PLCL1: variants seen among roughly 807,000 people sequenced by gnomAD.
The protein encoded by PLCL1 is phospholipase C like 1 (inactive), also known as inactive phospholipase C-like protein 1.
In PLCL1, 41 loss-of-function variants were observed where a neutral mutation model predicts 84.4. The observed-to-expected ratio is 0.49, with a 90% CI of 0.38 to 0.63. The LOEUF is 0.63. Among genes scored for constraint, PLCL1 ranks in the 30% least tolerant of loss-of-function variants. The pLI, the probability that PLCL1 is intolerant of heterozygous loss-of-function variation, is 0.00. For missense variants in PLCL1, 1,206 were observed against 1,367.8 expected (o/e 0.88, Z 1.87); for synonymous variants, 490 against 488.3 (o/e 1.00, Z -0.05).
intron 4 of PLCL1, among the ~76,000 whole-genome samples, chr2:198,102,692 CT>C (rs1359006744): frequency 1.3e-5 from 2 of 152,052 alleles, no homozygotes; most frequent in Non-Finnish European, 2.9e-5. Context: ...GAATGGTTAA[CT>C]GAGAGAAGAC....
At chr2:197,856,838 A>G (rs1461372248) in intron 1 of PLCL1, among the ~76,000 whole-genome samples, 1 of 152,208 alleles carries the variant, frequency 6.6e-6, no homozygotes, top group Non-Finnish European at 1.5e-5. Flanking sequence ...TACCTACAAT[A>G]TTCTTCATTA....
intron 5 of PLCL1, among the ~76,000 whole-genome samples, chr2:198,136,265 G>A (rs151049799): frequency 1.8e-3 from 277 of 152,164 alleles, no homozygotes; most frequent in Non-Finnish European, 3.6e-3. Context: ...TTGTTCTAAA[G>A]AATTTAGAGG....
intron 1 of PLCL1, among the ~76,000 whole-genome samples, chr2:197,998,473 G>A (rs573927952): frequency 1.1e-4 from 17 of 152,134 alleles, no homozygotes; most frequent in Non-Finnish European, 2.2e-4. Flanking sequence ...TGCTACCTTT[G>A]TAAAATCATT....
At chr2:198,101,580 G>A (rs995144089) in intron 4 of PLCL1, among the ~76,000 whole-genome samples, 1 of 151,902 alleles carries the variant, frequency 6.6e-6, no homozygotes, top group Non-Finnish European at 1.5e-5. Context: ...GTACAGGGTT[G>A]GGGTGGTGTC....
rs148147787 is a variant in PLCL1, at chr2:198,099,901, CA to C, written c.2920-1383del. ...CTGATGTTTGAGTATTATATTTCTA[CA>C]GGGGTAATCCTATTAAAAGCTTTAT... On this transcript the variant is annotated intron_variant, in intron 3 of 5. Coordinates refer to ENST00000428675, the MANE Select transcript of PLCL1 (RefSeq NM_006226.4). Among the ~76,000 whole-genome samples the C allele has an allele frequency of 1.2e-4, 19 of 152,168 alleles. No homozygotes were observed. In the East Asian group the frequency reaches 3.7e-3, roughly 29 times the overall value.
chr2:197,933,906 G>T (rs1464211), intron 1 of PLCL1, among the ~76,000 whole-genome samples: 1 of 151,912 alleles, frequency 6.6e-6, no homozygotes, highest in African/African-American at 2.4e-5. Context: ...CAGTATTTAA[G>T]TTACTGAGCT....
At chr2:198,087,689 A>T (rs1343421125) in intron 2 of PLCL1, among the ~76,000 whole-genome samples, 1 of 152,116 alleles carries the variant, frequency 6.6e-6, no homozygotes, top group Admixed American at 6.5e-5. Flanking sequence ...GTCTAATTGG[A>T]TTGTTTGCAA....
chr2:197,953,577 G>T (rs1159077507), intron 1 of PLCL1, among the ~76,000 whole-genome samples: 2 of 151,988 alleles, frequency 1.3e-5, no homozygotes. Context: ...TTGAGTTATT[G>T]ATTGAGAACC....
At chr2:197,857,562 T>C (rs148369950) in intron 1 of PLCL1, among the ~76,000 whole-genome samples, 97 of 152,286 alleles carry the variant, frequency 6.4e-4, no homozygotes, top group African/African-American at 2.2e-3. Flanking sequence ...AAACAAGCAG[T>C]CTATTTAAAT....
intron 1 of PLCL1, among the ~76,000 whole-genome samples, chr2:198,035,002 T>C (rs1691523461): frequency 6.6e-6 from 1 of 152,202 alleles, no homozygotes; most frequent in Non-Finnish European, 1.5e-5. Context: ...CGTCATGGTA[T>C]CTATTTCTGC....
At chr2:198,039,310 C>T (rs781019933) in intron 1 of PLCL1, among the ~76,000 whole-genome samples, 5 of 152,118 alleles carry the variant, frequency 3.3e-5, no homozygotes, top group Admixed American at 6.6e-5. Context: ...TTATGCCAAG[C>T]AGCATGGATT....
At position 197,805,149 on chromosome 2, in the gene PLCL1, C is replaced by G; in HGVS notation, c.50C>G (p.Ala17Gly). Residue 17 changes from alanine (A) to glycine (G), a missense_variant, in exon 1 of 6, where the codon GCG (alanine) becomes GGG (glycine). Physicochemically the swap from Ala to Gly is moderately conservative, Grantham distance 60 (BLOSUM62 0). Coordinates refer to ENST00000428675, the MANE Select transcript of PLCL1 (RefSeq NM_006226.4). This position sits in a 1 kb window ranked among gnomAD's most constrained non-coding sequence, Gnocchi z 4.0. The stretch of plus-strand genomic sequence containing the variant: ...GAGGATCCGGCGCCGCCCGACGCGG[C>G]GGGGGGCGAAGACGACCCCCGAGTG... ...GREDPAPPDAAGGEDDPRVGP... is the reference protein window; with the variant it reads ...GREDPAPPDAGGGEDDPRVGP... 2 of 1,306,462 alleles carry G rather than the reference C, an allele frequency of 1.5e-6. No individual in the cohort carries two copies. The highest frequency in any genetic ancestry group is 1.9e-6 in the Non-Finnish European group (2 of 1,032,374). 80.9% of individuals were successfully genotyped at this position (1,306,462 alleles called of 1,614,324 possible). A position where few individuals can be genotyped will look rare whatever the true frequency, so the allele number is the denominator to read the frequency against.
chr2:197,957,613 A>G (rs2105786848), intron 1 of PLCL1, among the ~76,000 whole-genome samples: 1 of 152,034 alleles, frequency 6.6e-6, no homozygotes, highest in African/African-American at 2.4e-5. Flanking sequence ...ATTCCCTCAC[A>G]TATTCTCAGA....
chr2:197,891,333 C>A (rs1688023156), intron 1 of PLCL1, among the ~76,000 whole-genome samples: 1 of 152,148 alleles, frequency 6.6e-6, no homozygotes, highest in Non-Finnish European at 1.5e-5. Flanking sequence ...AAAGCATAAG[C>A]AGTTGTTTCC....
Position 198,088,927 on chromosome 2 carries a change from A to C in PLCL1, c.2785A>C (p.Thr929Pro). The C allele has an allele frequency of 3.1e-6, 5 of 1,612,660 alleles. No homozygotes were observed. Among genetic ancestry groups the C allele is most frequent in the Non-Finnish European group, 3.4e-6 (4 of 1,178,902 alleles). ...PIASLKQCLL[T>P]LSSRLITSDN... ...TGCCAGTCTGAAGCAGTGCCTGTTA[A>C]CTCTGTCATCTCGGCTCATCACCAG... Residue 929 changes from threonine to proline, a missense_variant, in exon 3 of 6, where the codon ACT becomes CCT. By Grantham distance (38) the Thr-to-Pro change is conservative (BLOSUM62 -1). Coordinates refer to ENST00000428675, the MANE Select transcript of PLCL1 (RefSeq NM_006226.4).
chr2:198,071,472 C>A (rs994959880), intron 1 of PLCL1, among the ~76,000 whole-genome samples: 2 of 151,708 alleles, frequency 1.3e-5, no homozygotes, highest in African/African-American at 2.4e-5. Context: ...TACTGTTGTA[C>A]AAAAATTTCC....
At chr2:198,018,385 G>A (rs1287784532) in intron 1 of PLCL1, among the ~76,000 whole-genome samples, 2 of 152,084 alleles carry the variant, frequency 1.3e-5, no homozygotes, top group Non-Finnish European at 2.9e-5. Flanking sequence ...AGACAGAACC[G>A]TTCACTCCCC....
At chr2:198,115,140 C>G (rs139275219) in intron 5 of PLCL1, among the ~76,000 whole-genome samples, 40 of 151,942 alleles carry the variant, frequency 2.6e-4, no homozygotes, top group Admixed American at 2.4e-3. Context: ...TTCCTGTGGT[C>G]AGTCCTTTCT....
chr2:197,963,162 A>T (rs1417223866), intron 1 of PLCL1, among the ~76,000 whole-genome samples: 1 of 152,100 alleles, frequency 6.6e-6, no homozygotes, highest in Non-Finnish European at 1.5e-5. Flanking sequence ...ACCGTTCTCC[A>T]TAGTGGTTGT....
Sources: gnomAD v4.1 joint callset for allele counts (sites outside exome capture counted in the v4.1 genomes callset) on GRCh38, gnomAD v4.1.1 for gene constraint, Gnocchi (gnomAD v3.1) non-coding constraint, MANE v1.5 for transcripts, NCBI Gene and HGNC (gene_info 2026-07-23, HGNC 2026-07-21) for gene names.